DPP10: variants seen among roughly 807,000 people sequenced by gnomAD.
DPP10 encodes the protein dipeptidyl peptidase like 10, also known as inactive dipeptidyl peptidase 10.
DPP10 carries 33 observed loss-of-function variants against 120.9 expected under a neutral mutation model. The observed-to-expected ratio is 0.27, with a 90% CI of 0.21 to 0.37. DPP10 has a LOEUF of 0.37. DPP10 is among the 10% of genes least tolerant of loss of function. The probability of loss-of-function intolerance (pLI) is 1.00; values close to 1 mark genes in which losing one functional copy is unlikely to be tolerated. For missense variants in DPP10, 816 were observed against 942.8 expected, an observed-to-expected ratio of 0.87 and a Z score of 1.76; for synonymous variants, 337 against 326.1, an observed-to-expected ratio of 1.03 and a Z score of -0.36.
intron 5 of DPP10, among the ~76,000 whole-genome samples, chr2:115,573,902 T>G (rs991773295): frequency 6.6e-6 from 1 of 152,198 alleles, no homozygotes. Flanking sequence ...ATCTTCCTAT[T>G]GCTCTGTATG....
At chr2:114,527,056 A>G (rs1685564743) in intron 1 of DPP10, among the ~76,000 whole-genome samples, 1 of 151,926 alleles carries the variant, frequency 6.6e-6, no homozygotes, top group Non-Finnish European at 1.5e-5. Flanking sequence ...CCTTTTCCTT[A>G]ATTTTACTTT....
intron 5 of DPP10, among the ~76,000 whole-genome samples, chr2:115,646,945 G>T (rs991082900): frequency 6.6e-6 from 1 of 152,044 alleles, no homozygotes; most frequent in African/African-American, 2.4e-5. Flanking sequence ...AGGTAATTTC[G>T]TTTGAGGTCA....
At chr2:114,761,729 C>T (rs1250411107) in intron 1 of DPP10, among the ~76,000 whole-genome samples, 1 of 152,162 alleles carries the variant, frequency 6.6e-6, no homozygotes, top group Non-Finnish European at 1.5e-5. Context: ...GGCTCCTTAC[C>T]AGCCAAATCT....
intron 1 of DPP10, among the ~76,000 whole-genome samples, chr2:114,492,690 C>T (rs767780437): frequency 2.2e-4 from 33 of 152,116 alleles, no homozygotes; most frequent in Non-Finnish European, 4.1e-4. Flanking sequence ...GCTTTCCATA[C>T]GCAATTCATT....
chr2:114,535,089 C>G (rs945856492), intron 1 of DPP10, among the ~76,000 whole-genome samples: 1 of 7,040 alleles, frequency 1.4e-4, no homozygotes, highest in African/African-American at 2.4e-4. Flanking sequence ...GAGTTTGTTT[C>G]TACAAAAAAA....
chr2:114,733,952 T>A (rs888399198), intron 1 of DPP10, among the ~76,000 whole-genome samples: 1 of 152,126 alleles, frequency 6.6e-6, no homozygotes, highest in South Asian at 2.1e-4. Flanking sequence ...AAGCTCTGAT[T>A]TTTTTATTTG....
chr2:115,520,305 G>A (rs761016363), intron 4 of DPP10, among the ~76,000 whole-genome samples: 4 of 152,176 alleles, frequency 2.6e-5, no homozygotes, highest in South Asian at 2.1e-4. Flanking sequence ...GTGACAGTGC[G>A]AGACTCCATC....
intron 1 of DPP10, among the ~76,000 whole-genome samples, chr2:114,896,912 C>G (rs555196702): frequency 6.6e-6 from 1 of 152,202 alleles, no homozygotes; most frequent in African/African-American, 2.4e-5. Flanking sequence ...TACGTCCCAT[C>G]AATACCTAAT....
intron 1 of DPP10, among the ~76,000 whole-genome samples, chr2:114,718,400 GA>G (rs71297184): frequency 0.032 from 2,590 of 81,170 alleles, 57 homozygotes; most frequent in African/African-American, 0.086. Context: ...GACTCTGTTT[GA>G]AAAAAAAAAA....
intron 1 of DPP10, among the ~76,000 whole-genome samples, chr2:114,904,333 G>A (rs574789424): frequency 3.3e-5 from 5 of 152,270 alleles, no homozygotes; most frequent in Admixed American, 6.5e-5. Flanking sequence ...TTATAAAATC[G>A]CAAAGAACTT....
intron 1 of DPP10, among the ~76,000 whole-genome samples, chr2:114,543,325 G>GC (rs1473498062): frequency 6.6e-6 from 1 of 152,148 alleles, no homozygotes; most frequent in Non-Finnish European, 1.5e-5. Flanking sequence ...TAAAGCCTTT[G>GC]CCAAGGGGCT....
intron 1 of DPP10, among the ~76,000 whole-genome samples, chr2:115,115,108 T>C (rs1342037720): frequency 2.6e-5 from 4 of 151,998 alleles, no homozygotes; most frequent in Admixed American, 1.3e-4. Context: ...CCGATATGTG[T>C]GTGCACATCG....
intron 1 of DPP10, among the ~76,000 whole-genome samples, chr2:115,230,369 G>T (rs1201389744): frequency 6.6e-6 from 1 of 151,970 alleles, no homozygotes; most frequent in African/African-American, 2.4e-5. Flanking sequence ...CTGCAAAGAT[G>T]ATTTGACTTT....
chr2:115,804,874 G>T (rs1350292359), intron 19 of DPP10, among the ~76,000 whole-genome samples: 1 of 152,190 alleles, frequency 6.6e-6, no homozygotes, highest in Non-Finnish European at 1.5e-5. Flanking sequence ...GCTACTCGGG[G>T]GTCAGGGACC....
At chr2:115,191,250 G>A (rs547248856) in intron 1 of DPP10, among the ~76,000 whole-genome samples, 3 of 152,270 alleles carry the variant, frequency 2.0e-5, no homozygotes, top group Non-Finnish European at 4.4e-5. Context: ...CTTGCTCTTC[G>A]GTGTTTTACA....
chr2:114,892,653 T>C (rs1445400534), intron 1 of DPP10, among the ~76,000 whole-genome samples: 2 of 152,218 alleles, frequency 1.3e-5, no homozygotes, highest in Admixed American at 6.5e-5. Flanking sequence ...TCAGTGGAAC[T>C]GTTCTTCTCC....
At chr2:114,864,934 T>C (rs551249354) in intron 1 of DPP10, among the ~76,000 whole-genome samples, 44 of 152,016 alleles carry the variant, frequency 2.9e-4, no homozygotes, top group Non-Finnish European at 5.9e-4. Flanking sequence ...ACGTAAAAGA[T>C]CTCTTTATGA....
intron 2 of DPP10, among the ~76,000 whole-genome samples, chr2:115,326,837 A>G (rs1205477286): frequency 1.3e-5 from 2 of 152,122 alleles, no homozygotes; most frequent in Non-Finnish European, 2.9e-5. Flanking sequence ...GTCAATGATG[A>G]AAAACATTGA....
chr2:115,270,448 G>A (rs1025463773), intron 1 of DPP10, among the ~76,000 whole-genome samples: 2 of 152,080 alleles, frequency 1.3e-5, no homozygotes, highest in Non-Finnish European at 2.9e-5. Context: ...GGGGTTACCC[G>A]TTAGGCTTTC....
Sources: gnomAD v4.1 joint callset for allele counts (sites outside exome capture counted in the v4.1 genomes callset) on GRCh38, gnomAD v4.1.1 for gene constraint, MANE v1.5 for transcripts, NCBI Gene and HGNC (gene_info 2026-07-23, HGNC 2026-07-21) for gene names.